Variants in DOHH observed in about 807,000 individuals in gnomAD.
DOHH encodes deoxyhypusine hydroxylase.
A neutral mutation model predicts 19.9 loss-of-function variants in DOHH; 16 were observed. The observed-to-expected ratio is 0.80, with a 90% CI of 0.54 to 1.22. The LOEUF (loss-of-function observed/expected upper bound fraction) is 1.22, where lower values mean the gene tolerates loss of function less well. Ranked by LOEUF, DOHH falls within the 50% of genes most tolerant of loss-of-function variation. The pLI is 0.00. For synonymous variants in DOHH, 233 were observed against 217.0 expected (o/e 1.07, Z -0.65); for missense variants, 460 against 460.6 (o/e 1.00, Z 0.01).
intron 2 of DOHH, among the ~76,000 whole-genome samples, chr19:3,495,637 C>T (rs367992033): frequency 1.3e-5 from 2 of 152,130 alleles, no homozygotes; most frequent in African/African-American, 4.8e-5. Context: ...AGGCGGGGTG[C>T]GATGGCTCAT....
intron 3 of DOHH, 22 bp from the exon 4 acceptor site, chr19:3,492,521 C>A: frequency 7.3e-7 from 1 of 1,371,900 alleles, no homozygotes; most frequent in Non-Finnish European, 9.4e-7. Flanking sequence ...GGGTATCAGG[C>A]AGCGGGTTGG....
intron 3 of DOHH, among the ~76,000 whole-genome samples, 155 bp downstream of exon 3, chr19:3,493,873 C>T (rs2082888640): frequency 1.3e-5 from 2 of 152,176 alleles, no homozygotes; most frequent in Admixed American, 1.3e-4. Flanking sequence ...TCGCCCTCGC[C>T]TTCCTCATCC....
rs764777418 is a variant in DOHH, at chr19:3,491,467, G to T, written c.*25C>A. ...GAGGAGCGGCCCTCAAGAGTCCTCCGGGAGCTCCGGGTGAGGGTGGGGCCC... is the reference window on the plus strand; with the variant it reads ...GAGGAGCGGCCCTCAAGAGTCCTCCTGGAGCTCCGGGTGAGGGTGGGGCCC... On this transcript the variant is annotated 3_prime_UTR_variant, in exon 5 of 5. Transcript: ENST00000427575. The surrounding 1 kb of genome is among the most constrained non-coding windows in gnomAD (Gnocchi z 5.6). The T allele has an allele frequency of 2.0e-6, 3 of 1,524,106 alleles. No individual in the cohort carries two copies. Among genetic ancestry groups the T allele is most frequent in the African/African-American group, 2.8e-5 (2 of 72,028 alleles). The allele number at this position is 1,524,106 out of a possible 1,614,324, so 94.4% of individuals were successfully genotyped here.
chr19:3,499,498 C>T (rs903314515), intron 1 of DOHH, among the ~76,000 whole-genome samples: 3 of 152,138 alleles, frequency 2.0e-5, no homozygotes, highest in Non-Finnish European at 2.9e-5. Context: ...ACCGGCTGGG[C>T]GCGGTGGCTC....
rs1568219897 is a variant in DOHH at position 3,491,493 on chromosome 19, T to G, written c.908A>C (p.Ter303SerextTer61). The G allele has an allele frequency of 4.6e-6, 7 of 1,532,660 alleles. No homozygotes were observed. Among genetic ancestry groups the G allele is most frequent in the South Asian group, 1.2e-5 (1 of 83,816 alleles). 94.9% of individuals were successfully genotyped at this position (1,532,660 alleles called of 1,614,324 possible). A position where few individuals can be genotyped will look rare whatever the true frequency, so the allele number is the denominator to read the frequency against. ...GLEQLRGAPS* is the reference protein window; with the variant it reads ...GLEQLRGAPSS ...GGAGCTCCGGGTGAGGGTGGGGCCC[T>G]AGGAGGGGGCCCCGCGCAGCTGCTC... Residue 303 changes from the stop codon to serine (S), a stop_lost, in exon 5 of 5, where the codon TAG becomes TCG. Transcript: ENST00000427575. This position sits in a 1 kb window ranked among gnomAD's most constrained non-coding sequence, Gnocchi z 5.6.
rs2082906604 is a variant in DOHH, at chr19:3,496,254, C to T, written c.274+287G>A. Among the ~76,000 whole-genome samples, 1 of 152,162 alleles carries T rather than the reference C, an allele frequency of 6.6e-6. No homozygotes were observed. The highest frequency in any genetic ancestry group is 6.5e-5 in the Admixed American group (1 of 15,282). ...CTTGAACTCCTGAGTTCAAACGATC[C>T]ACCTTCCTGGGCCTCCCAAAGTGCT... On this transcript the variant is annotated intron_variant, in intron 2 of 4. Transcript: ENST00000427575. The surrounding 1 kb of genome is among the most constrained non-coding windows in gnomAD (Gnocchi z 4.8).
intron 2 of DOHH, among the ~76,000 whole-genome samples, chr19:3,495,802 GGGAGGCTAAGGCA>G (rs1466174243): frequency 1.3e-5 from 2 of 151,850 alleles, no homozygotes; most frequent in Non-Finnish European, 2.9e-5. Context: ...CTATCTACTT[GGGAGGCTAAGGCA>G]GGAGAATCAC....
intron 2 of DOHH, among the ~76,000 whole-genome samples, chr19:3,495,636 G>C (rs2082902944): frequency 6.6e-6 from 1 of 152,206 alleles, no homozygotes; most frequent in Non-Finnish European, 1.5e-5. Flanking sequence ...AAGGCGGGGT[G>C]CGATGGCTCA....
rs918958039 is a variant in DOHH, at chr19:3,496,879, G to C, written c.-65C>G. 17 of 1,399,616 alleles carry C rather than the reference G, an allele frequency of 1.2e-5. No individual in the cohort carries two copies. The highest frequency in any genetic ancestry group is 1.4e-5 in the Non-Finnish European group (15 of 1,071,938). The allele number at this position is 1,399,616 out of a possible 1,614,324, so 86.7% of individuals were successfully genotyped here. ...AGGCTAAACCTGGGGACGCGGGGAT[G>C]TAAGAACCTGTGGCAGAAAAATGAG... On this transcript the variant is annotated 5_prime_UTR_variant, in exon 2 of 5. Transcript: ENST00000427575. This position sits in a 1 kb window ranked among gnomAD's most constrained non-coding sequence, Gnocchi z 4.8.
rs2082906705 is a variant in DOHH, at chr19:3,496,275, G to A, written c.274+266C>T. Among the ~76,000 whole-genome samples, 1 of 152,196 alleles carries A rather than the reference G, an allele frequency of 6.6e-6. No homozygotes were observed. The highest frequency in any genetic ancestry group is 2.4e-5 in the African/African-American group (1 of 41,458). ...GATCCACCTTCCTGGGCCTCCCAAA[G>A]TGCTAAGATTACAGGCCTGAGCCAC... On this transcript the variant is annotated intron_variant, in intron 2 of 4. Transcript: ENST00000427575. The surrounding 1 kb of genome is among the most constrained non-coding windows in gnomAD (Gnocchi z 4.8).
chr19:3,492,063 T>C (rs1481203661), intron 4 of DOHH, among the ~76,000 whole-genome samples, 199 bp downstream of exon 4: 1 of 152,026 alleles, frequency 6.6e-6, no homozygotes, highest in Non-Finnish European at 1.5e-5. Flanking sequence ...ACCGCAGCTA[T>C]GGGGGCGGGA....
At chr19:3,500,247 G>C (rs543938711) in intron 1 of DOHH, among the ~76,000 whole-genome samples, 1 of 152,176 alleles carries the variant, frequency 6.6e-6, no homozygotes, top group Non-Finnish European at 1.5e-5. Context: ...CTAAGCACAG[G>C]TGACCATCAA....
rs950908790 is a variant in DOHH, at chr19:3,492,413, G to A, written c.438C>T (p.Ser146=). 8 of 1,518,014 alleles carry A rather than the reference G, an allele frequency of 5.3e-6. No homozygotes were observed. The highest frequency in any genetic ancestry group is 7.0e-6 in the Non-Finnish European group (8 of 1,139,580). 94.0% of individuals were successfully genotyped at this position (1,518,014 alleles called of 1,614,324 possible). A position where few individuals can be genotyped will look rare whatever the true frequency, so the allele number is the denominator to read the frequency against. Residue 146 remains serine (S), a synonymous_variant, in exon 4 of 5, where the codon TCC becomes TCT. Transcript: ENST00000427575. ...GGEPAAGPYL[S]VDPAPPAEER... ...CCTCAGCCGGCGGGGCAGGGTCCACGGAGAGGTAGGGTCCCGCCGCCGGCT... is the reference window on the plus strand; with the variant it reads ...CCTCAGCCGGCGGGGCAGGGTCCACAGAGAGGTAGGGTCCCGCCGCCGGCT...
chr19:3,499,037 T>C (rs1282464974), intron 1 of DOHH, among the ~76,000 whole-genome samples: 2 of 152,226 alleles, frequency 1.3e-5, no homozygotes, highest in Non-Finnish European at 2.9e-5. Context: ...GAAAACTTTG[T>C]CATTTTGAGT....
rs1426283730 is a variant in DOHH at position 3,491,686 on chromosome 19, G to A, written c.715C>T (p.Arg239Trp). Residue 239 changes from arginine to tryptophan, a missense_variant, in exon 5 of 5, where the codon CGG (arginine) becomes TGG (tryptophan). By Grantham distance (101) the Arg-to-Trp change is moderately radical (BLOSUM62 -3). Transcript: ENST00000427575. The surrounding 1 kb of genome is among the most constrained non-coding windows in gnomAD (Gnocchi z 5.6). ...LARCTENPMV[R>W]HECAEALGAI... ...CCCAGGGCCTCCGCGCACTCGTGCCGCACCATGGGGTTCTCGGTGCATCGG... is the reference window on the plus strand; with the variant it reads ...CCCAGGGCCTCCGCGCACTCGTGCCACACCATGGGGTTCTCGGTGCATCGG... The A allele has an allele frequency of 3.9e-6, 6 of 1,530,748 alleles. No homozygotes were observed. The African/African-American group carries it at 4.2e-5, about 11-fold the overall frequency. The allele number at this position is 1,530,748 out of a possible 1,614,324, so 94.8% of individuals were successfully genotyped here. A position where few individuals can be genotyped will look rare whatever the true frequency, so the allele number is the denominator to read the frequency against.
chr19:3,493,421 AAC>A (rs1568220979), intron 3 of DOHH, among the ~76,000 whole-genome samples: 1 of 152,194 alleles, frequency 6.6e-6, no homozygotes, highest in Non-Finnish European at 1.5e-5. Flanking sequence ...CATCCTGGCT[AAC>A]ATGGTGAAAC....
intron 2 of DOHH, among the ~76,000 whole-genome samples, chr19:3,494,770 C>T (rs1236075825): frequency 6.6e-6 from 1 of 152,246 alleles, no homozygotes; most frequent in Non-Finnish European, 1.5e-5. Flanking sequence ...CTGAAGGTTG[C>T]GGTTTGCGTT....
Position 3,496,979 on chromosome 19 carries a change from T to A in DOHH, c.-72-93A>T. 1 of 832,162 alleles carries A rather than the reference T, an allele frequency of 1.2e-6. No homozygotes were observed. The highest frequency in any genetic ancestry group is 1.6e-6 in the Non-Finnish European group (1 of 607,366). 51.5% of individuals were successfully genotyped at this position (832,162 alleles called of 1,614,324 possible). A position where few individuals can be genotyped will look rare whatever the true frequency, so the allele number is the denominator to read the frequency against. On this transcript the variant is annotated intron_variant, in intron 1 of 4. Coordinates refer to ENST00000427575, the MANE Select transcript of DOHH (RefSeq NM_001145165.2). This position sits in a 1 kb window ranked among gnomAD's most constrained non-coding sequence, Gnocchi z 4.8. ...CTGGGTGGGGCAAATTCCTACCCAC[T>A]GACCAACCTGAGCATCTACGCTGAA... is the stretch of plus-strand genomic sequence containing the variant.
At chr19:3,492,777 G>C (rs369549125) in intron 3 of DOHH, among the ~76,000 whole-genome samples, 1 of 152,170 alleles carries the variant, frequency 6.6e-6, no homozygotes. Context: ...GGGAAGCAGC[G>C]GTGGAAAGGC....
Sources: allele counts gnomAD v4.1 joint callset (sites outside exome capture counted in the v4.1 genomes callset), GRCh38; gene constraint gnomAD v4.1.1; non-coding constraint Gnocchi (gnomAD v3.1); transcripts MANE v1.5; gene names NCBI Gene and HGNC (gene_info 2026-07-23, HGNC 2026-07-21).